CTNNBL1: variants seen among roughly 807,000 people sequenced by gnomAD.
The protein encoded by CTNNBL1 is beta-catenin-like protein 1.
In CTNNBL1, 31 loss-of-function variants were observed where a neutral mutation model predicts 72.7. The observed-to-expected ratio is 0.43, with a 90% CI of 0.32 to 0.58. The LOEUF is 0.58. Ranked by LOEUF, CTNNBL1 falls within the 20% of genes least tolerant of loss-of-function variation. The pLI is 0.08. For synonymous variants in CTNNBL1, 240 were observed against 267.3 expected, an observed-to-expected ratio of 0.90 and a Z score of 1.00; for missense variants, 534 against 725.1, an observed-to-expected ratio of 0.74 and a Z score of 3.03.
At chr20:37,848,356 A>T (rs1221155756) in intron 13 of CTNNBL1, among the ~76,000 whole-genome samples, 1 of 151,872 alleles carries the variant, frequency 6.6e-6, no homozygotes, top group Admixed American at 6.6e-5. Flanking sequence ...AGGTCTTGCT[A>T]TGTTGCCCAG....
rs6013180 is a variant in CTNNBL1, at chr20:37,827,094, T to A, written c.1214-13008T>A. 1.0e-3 allele frequency among the ~76,000 whole-genome samples: 155 copies of A among 152,312 alleles called. 2 individuals carry two copies. The highest frequency in any genetic ancestry group is 3.5e-3 in the African/African-American group (146 of 41,564). ...TAGAACCTCCTATCAATGGACTCAT[T>A]CAGTGTATATTCTTTTTGGGTTAGG... On this transcript the variant is annotated intron_variant, in intron 11 of 15. Transcript: ENST00000361383.
rs141289391 is a variant in CTNNBL1 at position 37,793,436 on chromosome 20, G to A, written c.1032-9431G>A. ...ATCTACTTTGTTTTATATTAATATA[G>A]CCACTACAACTTTCTCTTAATTAGT... On this transcript the variant is annotated intron_variant, in intron 10 of 15. Transcript: ENST00000361383. 1.9e-3 allele frequency among the ~76,000 whole-genome samples: 284 copies of A among 152,102 alleles called. 4 individuals carry two copies. Among genetic ancestry groups the A allele is most frequent in the African/African-American group, 6.7e-3 (279 of 41,506 alleles).
chr20:37,815,594 A>G (rs1049772041), intron 11 of CTNNBL1, among the ~76,000 whole-genome samples: 3 of 152,166 alleles, frequency 2.0e-5, no homozygotes, highest in Admixed American at 6.5e-5. Context: ...CTGGGATTAC[A>G]GGCATGAGCC....
chr20:37,849,615 T>C (rs192762278), intron 13 of CTNNBL1, among the ~76,000 whole-genome samples: 16 of 152,306 alleles, frequency 1.1e-4, no homozygotes, highest in African/African-American at 3.6e-4. Flanking sequence ...TCAATAAACA[T>C]GTATTGAGTG....
intron 10 of CTNNBL1, among the ~76,000 whole-genome samples, chr20:37,789,405 A>C (rs1293886860): frequency 6.6e-6 from 1 of 152,248 alleles, no homozygotes; most frequent in Non-Finnish European, 1.5e-5. Context: ...GTAGTTTTGT[A>C]GTCTGTGATG....
chr20:37,845,431 G>T (rs989131915), intron 13 of CTNNBL1, among the ~76,000 whole-genome samples: 1 of 152,202 alleles, frequency 6.6e-6, no homozygotes. Flanking sequence ...CACCAAGGCC[G>T]TGCTGTTCCC....
At chr20:37,717,123 T>C (rs1313060160) in intron 1 of CTNNBL1, among the ~76,000 whole-genome samples, 1 of 148,498 alleles carries the variant, frequency 6.7e-6, no homozygotes, top group Non-Finnish European at 1.5e-5. Context: ...TTCCTGTCTC[T>C]ATTCCTGGTA....
At chr20:37,729,066 A>G (rs2073108803) in intron 1 of CTNNBL1, among the ~76,000 whole-genome samples, 1 of 152,230 alleles carries the variant, frequency 6.6e-6, no homozygotes, top group Non-Finnish European at 1.5e-5. Flanking sequence ...TTAGTAAGTT[A>G]TTTGTTGAAT....
rs1370548719 is a variant in CTNNBL1 at position 37,767,947 on chromosome 20, C to T, written c.659-6C>T. On this transcript the variant is annotated splice_polypyrimidine_tract_variant and splice_region_variant and intron_variant, in intron 6 of 15. Coordinates refer to ENST00000361383, the MANE Select transcript of CTNNBL1 (RefSeq NM_030877.5). ...TCCCAAATGACTGGTGTCTGTCTCCCTTCAGCTATTGTGGAAAACATGGCT... is the reference window on the plus strand; with the variant it reads ...TCCCAAATGACTGGTGTCTGTCTCCTTTCAGCTATTGTGGAAAACATGGCT... 6.2e-7 allele frequency: 1 copy of T among 1,613,180 alleles called. No homozygotes were observed. The highest frequency in any genetic ancestry group is 1.3e-5 in the African/African-American group (1 of 74,904).
intron 1 of CTNNBL1, among the ~76,000 whole-genome samples, chr20:37,710,828 C>T (rs751766067): frequency 3.3e-5 from 5 of 152,156 alleles, no homozygotes; most frequent in African/African-American, 4.8e-5. Flanking sequence ...TATCGATCAC[C>T]TGAGACCCTG....
chr20:37,710,027 C>T (rs149106511), intron 1 of CTNNBL1, among the ~76,000 whole-genome samples: 8 of 152,318 alleles, frequency 5.3e-5, no homozygotes, highest in African/African-American at 1.9e-4. Flanking sequence ...CGGGGTCAGG[C>T]AGTGCTGTGT....
At chr20:37,768,363 C>T (rs2073490362) in intron 7 of CTNNBL1, among the ~76,000 whole-genome samples, 2 of 152,164 alleles carry the variant, frequency 1.3e-5, no homozygotes, top group African/African-American at 4.8e-5. Flanking sequence ...AATATTATAT[C>T]CATTCTCTCA....
chr20:37,731,141 G>A (rs1038648330), intron 1 of CTNNBL1, among the ~76,000 whole-genome samples: 3 of 150,614 alleles, frequency 2.0e-5, no homozygotes, highest in Admixed American at 6.8e-5. Context: ...ATTTAAAATC[G>A]TTTTATCAAT....
At chr20:37,805,500 G>C (rs1370349104) in intron 11 of CTNNBL1, among the ~76,000 whole-genome samples, 1 of 146,162 alleles carries the variant, frequency 6.8e-6, no homozygotes, top group Admixed American at 7.0e-5. Context: ...AGGTTCAACC[G>C]ATTCTCCTGC....
intron 11 of CTNNBL1, among the ~76,000 whole-genome samples, chr20:37,808,658 C>T (rs945687898): frequency 3.3e-5 from 5 of 152,076 alleles, no homozygotes; most frequent in African/African-American, 1.2e-4. Context: ...CCCCTAGTTC[C>T]CCTTTTTTCC....
chr20:37,731,392 C>T lies in CTNNBL1; in HGVS notation c.31-1487C>T, dbSNP rs764245408. Among the ~76,000 whole-genome samples, 11 of 152,158 alleles carry T rather than the reference C, an allele frequency of 7.2e-5. 1 individual carries two copies. In the Middle Eastern group the frequency reaches 0.01, roughly 141 times the overall value. On this transcript the variant is annotated intron_variant, in intron 1 of 15. Transcript: ENST00000361383. ...CTGGGATTACAGGCATGCACCACCACGCCTGGCTAATTTTGTATTTTTAGC... is the reference window on the plus strand; with the variant it reads ...CTGGGATTACAGGCATGCACCACCATGCCTGGCTAATTTTGTATTTTTAGC...
intron 10 of CTNNBL1, among the ~76,000 whole-genome samples, chr20:37,781,734 G>C (rs1376658557): frequency 6.6e-6 from 1 of 152,090 alleles, no homozygotes. Context: ...GTGGCTCTTT[G>C]TCTAGAGAGA....
chr20:37,714,907 TTA>T (rs1394408938), intron 1 of CTNNBL1, among the ~76,000 whole-genome samples: 1 of 152,194 alleles, frequency 6.6e-6, no homozygotes, highest in Non-Finnish European at 1.5e-5. Context: ...GAAATGGTGG[TTA>T]TTTGTCCAGG....
chr20:37,835,882 A>G (rs2072249301), intron 11 of CTNNBL1, among the ~76,000 whole-genome samples: 1 of 152,246 alleles, frequency 6.6e-6, no homozygotes, highest in Non-Finnish European at 1.5e-5. Context: ...ATATTTAGAT[A>G]TATGAAATGC....
Sources: allele counts gnomAD v4.1 joint callset (sites outside exome capture counted in the v4.1 genomes callset), GRCh38; gene constraint gnomAD v4.1.1; transcripts MANE v1.5; gene names NCBI Gene and HGNC (gene_info 2026-07-23, HGNC 2026-07-21).